Variants in GPR107 observed in about 807,000 individuals in gnomAD.
GPR107 encodes the protein G protein-coupled receptor 107.
A neutral mutation model predicts 75.5 loss-of-function variants in GPR107; 31 were observed. The ratio of observed to expected loss-of-function variants is 0.41; its 90% CI spans 0.31 to 0.55. GPR107 has a LOEUF of 0.55. Ranked by LOEUF, GPR107 falls within the 20% of genes least tolerant of loss-of-function variation. The pLI is 0.26. For missense variants in GPR107, 572 were observed against 665.7 expected, an observed-to-expected ratio of 0.86 and a Z score of 1.55; for synonymous variants, 267 against 251.3, an observed-to-expected ratio of 1.06 and a Z score of -0.59.
At chr9:130,079,792 G>T in intron 5 of GPR107, 23 bp downstream of exon 5, 1 of 1,532,808 alleles carries the variant, frequency 6.5e-7, no homozygotes. Flanking sequence ...GTGGAAACTG[G>T]CTTTCAGTTT....
At chr9:130,126,342 CTTT>C (rs1209736605) in intron 15 of GPR107, among the ~76,000 whole-genome samples, 1 of 121,824 alleles carries the variant, frequency 8.2e-6, no homozygotes. Flanking sequence ...GTTTCCAAGT[CTTT>C]TTTTTTTTTT....
chr9:130,135,336 A>T lies in GPR107; in HGVS notation c.*215A>T. On this transcript the variant is annotated 3_prime_UTR_variant, in exon 18 of 18. Coordinates refer to ENST00000347136, the MANE Select transcript of GPR107 (RefSeq NM_020960.5). ...TTTAGAGGCAGCTGGATCCTCTTTC[A>T]GGCGGGAATGGGAGGGCGGGCACAG... is the stretch of plus-strand genomic sequence containing the variant. The T allele has an allele frequency of 9.1e-5, 34 of 373,658 alleles. No homozygotes were observed. The highest frequency in any genetic ancestry group is 2.0e-4 in the East Asian group (4 of 20,114). The allele number at this position is 373,658 out of a possible 1,614,324, so 23.1% of individuals were successfully genotyped here.
At chr9:130,127,430 G>T in intron 15 of GPR107, 53 bp from the exon 16 acceptor site, 3 of 905,880 alleles carry the variant, frequency 3.3e-6, no homozygotes, top group East Asian at 4.8e-5. Context: ...TGTTAAAGTG[G>T]TGTCCTAATT....
At chr9:130,130,114 G>A (rs763523794) in intron 17 of GPR107, 1 of 152,140 alleles carries the variant, frequency 6.6e-6, no homozygotes, top group Non-Finnish European at 1.5e-5. Flanking sequence ...TCTCTCTCTG[G>A]GCCTGGGTAT....
At chr9:130,126,076 G>A (rs911590070) in intron 15 of GPR107, among the ~76,000 whole-genome samples, 2 of 147,656 alleles carry the variant, frequency 1.4e-5, no homozygotes, top group African/African-American at 5.0e-5. Context: ...AAAAAAATTG[G>A]AGTATCTACC....
chr9:130,076,629 C>T (rs1830355600), intron 3 of GPR107, among the ~76,000 whole-genome samples, 167 bp downstream of exon 3: 1 of 152,198 alleles, frequency 6.6e-6, no homozygotes, highest in African/African-American at 2.4e-5. Context: ...ATCCTCCCGC[C>T]TCAGTCCCCT....
At chr9:130,054,199 T>C in intron 1 of GPR107, 126 bp downstream of exon 1, 1 of 944,316 alleles carries the variant, frequency 1.1e-6, no homozygotes, top group Non-Finnish European at 1.5e-6. Flanking sequence ...CTGCGGCCTT[T>C]CACTGACAGG....
chr9:130,066,439 G>A (rs771501231), intron 1 of GPR107, among the ~76,000 whole-genome samples: 1 of 151,904 alleles, frequency 6.6e-6, no homozygotes, highest in African/African-American at 2.4e-5. Context: ...GCCTCATCTC[G>A]GGCCCATTGA....
chr9:130,115,822 C>A (rs1425122603), intron 14 of GPR107, among the ~76,000 whole-genome samples: 1 of 151,656 alleles, frequency 6.6e-6, no homozygotes, highest in Non-Finnish European at 1.5e-5. Context: ...GTAACCCCAG[C>A]TACTTGGGAG....
Position 130,075,802 on chromosome 9 carries a change from A to G in GPR107, c.255+53A>G, listed in dbSNP as rs1343176819. The G allele has an allele frequency of 8.9e-5, 54 of 605,734 alleles. No homozygotes were observed. In the Admixed American group the frequency reaches 1.0e-3, roughly 12 times the overall value. The allele number at this position is 605,734 out of a possible 1,614,324, so 37.5% of individuals were successfully genotyped here. A position where few individuals can be genotyped will look rare whatever the true frequency, so the allele number is the denominator to read the frequency against. ...GTTTACTCTTTTTTTTTTTTTTTTG[A>G]GATGGAGTCTTGCTCTGTCACCCAG... On this transcript the variant is annotated intron_variant, in intron 2 of 17. Coordinates refer to ENST00000347136, the MANE Select transcript of GPR107 (RefSeq NM_020960.5).
At chr9:130,089,466 A>C (rs1261874711) in intron 7 of GPR107, among the ~76,000 whole-genome samples, 1 of 151,952 alleles carries the variant, frequency 6.6e-6, no homozygotes, top group Non-Finnish European at 1.5e-5. Context: ...GGTGCAGTCC[A>C]CTCTGAGCGC....
At chr9:130,126,084 A>T (rs1280622628) in intron 15 of GPR107, among the ~76,000 whole-genome samples, 1 of 151,200 alleles carries the variant, frequency 6.6e-6, no homozygotes, top group East Asian at 2.0e-4. Flanking sequence ...TGGAGTATCT[A>T]CCTCTCTCTT....
chr9:130,133,788 T>C (rs1418957203), intron 17 of GPR107, among the ~76,000 whole-genome samples: 1 of 152,144 alleles, frequency 6.6e-6, no homozygotes, highest in African/African-American at 2.4e-5. Context: ...AACCTGTGAG[T>C]CTAAAGGACT....
At chr9:130,078,296 C>G (rs1224015913) in intron 4 of GPR107, among the ~76,000 whole-genome samples, 4 of 152,060 alleles carry the variant, frequency 2.6e-5, no homozygotes, top group African/African-American at 4.8e-5. Flanking sequence ...CTCAGACTTG[C>G]CTGTAAGGTA....
intron 14 of GPR107, among the ~76,000 whole-genome samples, chr9:130,110,067 T>G (rs993027398): frequency 6.6e-6 from 1 of 152,196 alleles, no homozygotes; most frequent in African/African-American, 2.4e-5. Flanking sequence ...CCTCCCTTCT[T>G]TGCGTCCTCC....
chr9:130,078,316 C>T (rs1398391449), intron 4 of GPR107, among the ~76,000 whole-genome samples: 1 of 152,056 alleles, frequency 6.6e-6, no homozygotes, highest in Non-Finnish European at 1.5e-5. Flanking sequence ...AGACTCCTAG[C>T]AGCCCAGAAG....
At position 130,107,481 on chromosome 9, in the gene GPR107, A is replaced by C. The variant is rs995019961; in HGVS notation, c.1263-15A>C. On this transcript the variant is annotated splice_polypyrimidine_tract_variant and intron_variant, in intron 13 of 17. Transcript: ENST00000347136. Reference sequence around the variant, plus strand: ...TTGTCAGCTAACTTTTTGTTCTCTAAATGTTTATTTTTAGGTCAATCAGAC... The same window carrying C: ...TTGTCAGCTAACTTTTTGTTCTCTACATGTTTATTTTTAGGTCAATCAGAC... 6 of 1,542,330 alleles carry C rather than the reference A, an allele frequency of 3.9e-6. No individual in the cohort carries two copies. Among genetic ancestry groups the C allele is most frequent in the Non-Finnish European group, 5.4e-6 (6 of 1,114,490 alleles).
intron 14 of GPR107, among the ~76,000 whole-genome samples, chr9:130,116,546 C>T (rs926682461): frequency 6.6e-6 from 1 of 152,180 alleles, no homozygotes; most frequent in Admixed American, 6.5e-5. Flanking sequence ...TGCAGGGTTG[C>T]GTCCCAAGTC....
chr9:130,099,314 CAA>C (rs113082720), intron 9 of GPR107, 141 bp from the exon 10 acceptor site: 6,058 of 477,600 alleles, frequency 0.013, no homozygotes, highest in South Asian at 0.02. Context: ...GACCCTGTCT[CAA>C]AAAAAAAAAA....
Sources: gnomAD v4.1 joint callset for allele counts (sites outside exome capture counted in the v4.1 genomes callset) on GRCh38, gnomAD v4.1.1 for gene constraint, MANE v1.5 for transcripts, NCBI Gene and HGNC (gene_info 2026-07-23, HGNC 2026-07-21) for gene names.